PTPRD: variants seen among roughly 807,000 people sequenced by gnomAD.
PTPRD encodes protein tyrosine phosphatase receptor type D.
In PTPRD, 34 loss-of-function variants were observed where a neutral mutation model predicts 214.5. The observed-to-expected ratio is 0.16, with a 90% confidence interval of 0.12 to 0.21. The LOEUF (loss-of-function observed/expected upper bound fraction) is 0.21, where lower values mean the gene tolerates loss of function less well. Ranked by LOEUF, PTPRD falls within the 10% of genes least tolerant of loss-of-function variation. The pLI, the probability that PTPRD is intolerant of heterozygous loss-of-function variation, is 1.00. For synonymous variants in PTPRD, 1,128 were observed against 845.7 expected, an observed-to-expected ratio of 1.33 and a Z score of -5.79; for missense variants, 2,545 against 2,398.7, an observed-to-expected ratio of 1.06 and a Z score of -1.27.
intron 2 of PTPRD, among the ~76,000 whole-genome samples, chr9:10,567,195 T>G (rs1479436457): frequency 6.6e-6 from 1 of 152,040 alleles, no homozygotes; most frequent in Non-Finnish European, 1.5e-5. Flanking sequence ...ATATTTCATA[T>G]ACCTAGAACC....
intron 4 of PTPRD, among the ~76,000 whole-genome samples, chr9:9,965,723 G>A (rs1008495354): frequency 1.3e-5 from 2 of 152,164 alleles, no homozygotes; most frequent in African/African-American, 4.8e-5. Flanking sequence ...TTGGGTAAGT[G>A]TTGTAAGCCC....
chr9:10,011,029 T>A (rs1017208831), intron 4 of PTPRD, among the ~76,000 whole-genome samples: 2 of 151,994 alleles, frequency 1.3e-5, no homozygotes, highest in African/African-American at 4.8e-5. Context: ...TCCTACAAAG[T>A]TGTTCATTTC....
chr9:8,403,269 C>T (rs1025887222), intron 36 of PTPRD, among the ~76,000 whole-genome samples: 1 of 152,160 alleles, frequency 6.6e-6, no homozygotes, highest in Non-Finnish European at 1.5e-5. Context: ...AGATGAACAT[C>T]TTTCAACTAT....
chr9:8,713,864 C>CG (rs1426198577), intron 12 of PTPRD: 3 of 1,257,290 alleles, frequency 2.4e-6, no homozygotes, highest in East Asian at 5.0e-5. Flanking sequence ...CGCCCGGGTG[C>CG]GCCCCAAATA....
At chr9:9,490,130 T>A (rs949313545) in intron 8 of PTPRD, among the ~76,000 whole-genome samples, 3 of 152,028 alleles carry the variant, frequency 2.0e-5, no homozygotes, top group Non-Finnish European at 2.9e-5. Context: ...AGAAAGCAAT[T>A]GCCAAACAAG....
At chr9:9,722,959 T>G (rs974824597) in intron 7 of PTPRD, among the ~76,000 whole-genome samples, 2 of 152,122 alleles carry the variant, frequency 1.3e-5, no homozygotes, top group Non-Finnish European at 2.9e-5. Context: ...GATATATGAT[T>G]TCACAACACT....
At chr9:9,802,384 T>A (rs1432201420) in intron 5 of PTPRD, among the ~76,000 whole-genome samples, 1 of 151,928 alleles carries the variant, frequency 6.6e-6, no homozygotes, top group African/African-American at 2.4e-5. Flanking sequence ...GCTTGCTCCC[T>A]GCCTCCTTAG....
intron 7 of PTPRD, among the ~76,000 whole-genome samples, chr9:9,666,689 T>C (rs556511281): frequency 1.3e-5 from 2 of 152,172 alleles, no homozygotes; most frequent in African/African-American, 4.8e-5. Flanking sequence ...TACTTTCAAC[T>C]GTCTTGTGGC....
At chr9:10,394,155 T>TCTATATAC (rs1478585745) in intron 2 of PTPRD, among the ~76,000 whole-genome samples, 6 of 144,212 alleles carry the variant, frequency 4.2e-5, no homozygotes, top group African/African-American at 1.5e-4. Context: ...TATCTATATA[T>TCTATATAC]ATAGATATAT....
At chr9:9,837,185 C>T (rs752589821) in intron 5 of PTPRD, among the ~76,000 whole-genome samples, 2 of 151,852 alleles carry the variant, frequency 1.3e-5, no homozygotes, top group Non-Finnish European at 2.9e-5. Context: ...AATGTAGCTC[C>T]CAGTTTGCAA....
chr9:9,196,340 CA>C (rs1004209540), intron 9 of PTPRD, among the ~76,000 whole-genome samples: 154 of 152,242 alleles, frequency 1.0e-3, no homozygotes, highest in African/African-American at 3.6e-3. Context: ...ATGTATTAAA[CA>C]CCATTCTAAG....
chr9:9,918,682 G>C (rs1222657943), intron 5 of PTPRD, among the ~76,000 whole-genome samples: 3 of 151,954 alleles, frequency 2.0e-5, no homozygotes, highest in African/African-American at 7.3e-5. Context: ...CTGTAAAACA[G>C]CATAACACTG....
intron 7 of PTPRD, among the ~76,000 whole-genome samples, chr9:9,717,821 A>C (rs927427078): frequency 6.6e-6 from 1 of 152,202 alleles, no homozygotes; most frequent in African/African-American, 2.4e-5. Flanking sequence ...ATAATATGGG[A>C]ACATACAAAC....
intron 11 of PTPRD, among the ~76,000 whole-genome samples, chr9:8,746,003 G>C (rs2092755355): frequency 6.6e-6 from 1 of 152,148 alleles, no homozygotes; most frequent in African/African-American, 2.4e-5. Flanking sequence ...ATGTTGCCCA[G>C]ACTGGTCTTG....
chr9:9,401,158 A>C (rs1327902713), intron 8 of PTPRD, among the ~76,000 whole-genome samples: 1 of 152,102 alleles, frequency 6.6e-6, no homozygotes, highest in South Asian at 2.1e-4. Flanking sequence ...AAATAAATGC[A>C]AATAGGTACC....
chr9:8,680,367 A>C lies in PTPRD; in HGVS notation c.65-43523T>G, dbSNP rs574914306. Among the ~76,000 whole-genome samples, 26 of 152,280 alleles carry C rather than the reference A, an allele frequency of 1.7e-4. No homozygotes were observed. In the South Asian group the frequency reaches 5.4e-3, roughly 32 times the overall value. Reference sequence around the variant, plus strand: ...CAGCTTTAATTACATCTCTTCCAAGAATAAAGGGCTACCACTCCCAGGATA... The same window carrying C: ...CAGCTTTAATTACATCTCTTCCAAGCATAAAGGGCTACCACTCCCAGGATA... On this transcript the variant is annotated intron_variant, in intron 12 of 45. Coordinates refer to ENST00000381196, the MANE Select transcript of PTPRD (RefSeq NM_002839.4).
chr9:8,602,856 A>G (rs1244088367), intron 14 of PTPRD, among the ~76,000 whole-genome samples: 1 of 152,196 alleles, frequency 6.6e-6, no homozygotes, highest in Non-Finnish European at 1.5e-5. Context: ...CTTTAATTCC[A>G]TCTCCATCTC....
chr9:10,193,132 C>T (rs911703285), intron 3 of PTPRD, among the ~76,000 whole-genome samples: 4 of 152,066 alleles, frequency 2.6e-5, no homozygotes, highest in South Asian at 2.1e-4. Flanking sequence ...CCTTTATCAA[C>T]CCCCTTCCCC....
intron 4 of PTPRD, among the ~76,000 whole-genome samples, chr9:9,981,304 T>C (rs779479893): frequency 6.6e-6 from 1 of 151,654 alleles, no homozygotes; most frequent in African/African-American, 2.4e-5. Context: ...GAACAACATG[T>C]ATGGCCAATA....
Sources: allele counts gnomAD v4.1 joint callset (sites outside exome capture counted in the v4.1 genomes callset), GRCh38; gene constraint gnomAD v4.1.1; transcripts MANE v1.5; gene names NCBI Gene and HGNC (gene_info 2026-07-23, HGNC 2026-07-21).